AKAP8: variants seen among roughly 807,000 people sequenced by gnomAD.
AKAP8 encodes A-kinase anchor protein 8.
Under a neutral mutation model 67.5 loss-of-function variants are expected in AKAP8, and 24 were observed. That is an observed-to-expected ratio of 0.36 (90% confidence interval 0.26 to 0.50). The LOEUF is 0.50. AKAP8 is among the 20% of genes least tolerant of loss of function. AKAP8 has a pLI of 0.97. For synonymous variants in AKAP8, 400 were observed against 371.1 expected, an observed-to-expected ratio of 1.08 and a Z score of -0.90; for missense variants, 971 against 955.9, an observed-to-expected ratio of 1.02 and a Z score of -0.21.
In AKAP8 at chr19:15,360,886, G is replaced by A. The variant is rs762759792; in HGVS notation, c.1489C>T (p.Arg497Trp). ...LIPAQPQLLQ[R>W]HLHSVDHNHN... ...TTGTGGTCCACGGAGTGCAGGTGCC[G>A]CTGGAGGAGCTGCGGCTGTGCAGGA... The change falls in exon 12 of 14, where the codon CGG becomes TGG. Residue 497 changes from arginine to tryptophan, a missense_variant. This residue lies in a region of AKAP8 where 763 missense variants were observed against 745.4 expected (regional missense o/e 1.02). Coordinates refer to ENST00000269701, the MANE Select transcript of AKAP8 (RefSeq NM_005858.4). The A allele has an allele frequency of 3.7e-6, 6 of 1,613,462 alleles. No individual in the cohort carries two copies. Among genetic ancestry groups the A allele is most frequent in the Admixed American group, 1.7e-5 (1 of 59,924 alleles).
rs1375519621 is a variant in AKAP8, at chr19:15,360,993, A to G, written c.1397-15T>C. ...CTGGCCAATCCCTGCCAGGAAACGC[A>G]TGTCTTGTAGGATCTGGGACAGCAA... On this transcript the variant is annotated splice_polypyrimidine_tract_variant and intron_variant, in intron 11 of 13. Coordinates refer to ENST00000269701, the MANE Select transcript of AKAP8 (RefSeq NM_005858.4). 1.1e-5 allele frequency: 18 copies of G among 1,611,102 alleles called. No individual in the cohort carries two copies. Among genetic ancestry groups the G allele is most frequent in the Admixed American group, 3.3e-5 (2 of 59,890 alleles).
intron 9 of AKAP8, among the ~76,000 whole-genome samples, chr19:15,366,871 A>G (rs1967079269): frequency 6.6e-6 from 1 of 150,970 alleles, no homozygotes; most frequent in African/African-American, 2.4e-5. Context: ...GGCCTCCCAA[A>G]GTGGTGGGAT....
rs1276850016 is a variant in AKAP8 at position 15,362,201 on chromosome 19, T to A, written c.1211A>T (p.Glu404Val). The A allele has an allele frequency of 1.7e-5, 28 of 1,614,024 alleles. No individual in the cohort carries two copies. The highest frequency in any genetic ancestry group is 2.4e-5 in the Non-Finnish European group (28 of 1,180,016). Residue 404 changes from glutamate to valine, a missense_variant, in exon 10 of 14, where the codon GAG becomes GTG. Coordinates refer to ENST00000269701, the MANE Select transcript of AKAP8 (RefSeq NM_005858.4). The stretch of plus-strand genomic sequence containing the variant: ...TTTGCTTTGCAGATGCTTCTGGATC[T>A]CTTCGTCATCAAAGCTACGGAACTT... ...VCKFRSFDDE[E>V]IQKHLQSKFH... is the part of the protein sequence containing the mutation.
intron 1 of AKAP8, 185 bp downstream of exon 1, chr19:15,379,528 G>C: frequency 1.7e-6 from 1 of 585,806 alleles, no homozygotes; most frequent in Non-Finnish European, 2.7e-6. Flanking sequence ...CGCACGCAGA[G>C]CCCCGGGAGC....
At chr19:15,379,414 G>A (rs1599578474) in intron 1 of AKAP8, 2 of 382,710 alleles carry the variant, frequency 5.2e-6, no homozygotes, top group South Asian at 8.4e-5. Flanking sequence ...CGAAGGTGAG[G>A]GGCAAAAACG....
intron 13 of AKAP8, among the ~76,000 whole-genome samples, chr19:15,358,400 G>A (rs992139619): frequency 4.6e-5 from 7 of 151,648 alleles, no homozygotes; most frequent in Non-Finnish European, 1.0e-4. Flanking sequence ...TGTCACCTGG[G>A]CTGGAGTGTA....
chr19:15,364,006 A>G (rs1273755456), intron 9 of AKAP8, among the ~76,000 whole-genome samples: 1 of 150,544 alleles, frequency 6.6e-6, no homozygotes, highest in African/African-American at 2.4e-5. Context: ...ACCCAGGGAC[A>G]CAAACACTGC....
At chr19:15,359,113 G>C (rs751493072) in intron 12 of AKAP8, 51 bp from the exon 13 acceptor site, 1 of 1,540,442 alleles carries the variant, frequency 6.5e-7, no homozygotes, top group Non-Finnish European at 9.0e-7. Flanking sequence ...GATTAAGGAA[G>C]AGAATAAACC....
chr19:15,353,931 TA>T lies in AKAP8; in HGVS notation c.*983del, dbSNP rs1466369258. 3.0e-3 allele frequency: 24 copies of T among 7,954 alleles called. No homozygotes were observed. Among genetic ancestry groups the T allele is most frequent in the African/African-American group, 9.2e-3 (18 of 1,952 alleles). 0.5% of individuals were successfully genotyped at this position (7,954 alleles called of 1,614,324 possible). A position where few individuals can be genotyped will look rare whatever the true frequency, so the allele number is the denominator to read the frequency against. Reference sequence around the variant, plus strand: ...AAAATGAAACATATATTTCATTTTATATATATATATATATATTACAGATACC... The same window carrying T: ...AAAATGAAACATATATTTCATTTTATTATATATATATATATTACAGATACC... On this transcript the variant is annotated 3_prime_UTR_variant, in exon 14 of 14. Transcript: ENST00000269701.
Position 15,372,382 on chromosome 19 carries a change from C to A in AKAP8, c.862-35G>T, listed in dbSNP as rs369665779. 6.8e-6 allele frequency: 11 copies of A among 1,607,344 alleles called. No homozygotes were observed. In the African/African-American group the frequency reaches 1.2e-4, roughly 18 times the overall value. ...ACAAGCACACCCCATGAGCTACTTA[C>A]GAGGGCCATGAAGATGCCCCACAGA... On this transcript the variant is annotated intron_variant, in intron 5 of 13. Coordinates refer to ENST00000269701, the MANE Select transcript of AKAP8 (RefSeq NM_005858.4).
At chr19:15,362,488 C>T (rs1009774027) in intron 9 of AKAP8, among the ~76,000 whole-genome samples, 3 of 151,120 alleles carry the variant, frequency 2.0e-5, no homozygotes, top group Admixed American at 2.0e-4. Flanking sequence ...CTGCCTACTG[C>T]CTGCGATTGC....
Position 15,373,178 on chromosome 19 carries a change from C to T in AKAP8, c.534G>A (p.Arg178=). 1.2e-6 allele frequency: 2 copies of T among 1,613,666 alleles called. No individual in the cohort carries two copies. The highest frequency in any genetic ancestry group is 1.3e-5 in the African/African-American group (1 of 75,042). Residue 178 remains arginine, a synonymous_variant, in exon 5 of 14, where the codon CGG becomes CGA. Coordinates refer to ENST00000269701, the MANE Select transcript of AKAP8 (RefSeq NM_005858.4). ...TGAAGCCATCAAGGGAGCCCCGCTC[C>T]CGGGCTGGGTCTCGGCATTCACTGT... is the stretch of plus-strand genomic sequence containing the variant. ...GQYSECRDPA[R]ERGSLDGFMR... is the part of the protein sequence containing the mutation.
intron 7 of AKAP8, among the ~76,000 whole-genome samples, chr19:15,370,618 C>A (rs113516916): frequency 6.9e-6 from 1 of 144,368 alleles, no homozygotes; most frequent in Non-Finnish European, 1.5e-5. Context: ...TTATATTTAC[C>A]CAATGTCTTT....
intron 10 of AKAP8, 83 bp downstream of exon 10, chr19:15,362,025 CCT>C: frequency 1.3e-6 from 2 of 1,554,768 alleles, no homozygotes; most frequent in South Asian, 2.4e-5. Context: ...CCAAGTATAG[CCT>C]CTGATTTCCC....
At chr19:15,364,673 G>C (rs563210107) in intron 9 of AKAP8, among the ~76,000 whole-genome samples, 31 of 150,550 alleles carry the variant, frequency 2.1e-4, no homozygotes, top group Non-Finnish European at 3.4e-4. Flanking sequence ...ATTTTTAGTA[G>C]AGACAGGGTT....
chr19:15,378,094 AAGCACCC>A (rs1358478392), intron 1 of AKAP8, among the ~76,000 whole-genome samples: 2 of 152,196 alleles, frequency 1.3e-5, no homozygotes, highest in Non-Finnish European at 2.9e-5. Context: ...GATACACCGC[AAGCACCC>A]AGCAAACCCT....
chr19:15,379,664 C>T, intron 1 of AKAP8, 49 bp downstream of exon 1: 2 of 1,585,502 alleles, frequency 1.3e-6, no homozygotes, highest in Non-Finnish European at 1.7e-6. Context: ...GCTGCGTCGC[C>T]CGCACAGAGC....
intron 7 of AKAP8, among the ~76,000 whole-genome samples, chr19:15,371,393 A>T (rs747337859): frequency 1.7e-4 from 26 of 152,060 alleles, no homozygotes; most frequent in Non-Finnish European, 3.4e-4. Flanking sequence ...CTGTGCTTGG[A>T]GGCTTCAGCC....
chr19:15,370,818 G>T (rs1967143973), intron 7 of AKAP8, among the ~76,000 whole-genome samples: 2 of 151,982 alleles, frequency 1.3e-5, no homozygotes, highest in African/African-American at 2.4e-5. Context: ...TTTCAGTAGA[G>T]ACGGGGTTTC....
Sources: gnomAD v4.1 joint callset for allele counts (sites outside exome capture counted in the v4.1 genomes callset) on GRCh38, gnomAD v4.1.1 for gene constraint, gnomAD v4.1.1 regional missense constraint, MANE v1.5 for transcripts, NCBI Gene and HGNC (gene_info 2026-07-23, HGNC 2026-07-21) for gene names.